RBFOX1: variants seen among roughly 807,000 people sequenced by gnomAD.
RBFOX1 encodes RNA binding protein fox-1 homolog 1.
A neutral mutation model predicts 57.7 loss-of-function variants in RBFOX1; 8 were observed. That is an observed-to-expected ratio of 0.14 (90% CI 0.08 to 0.25). The LOEUF (loss-of-function observed/expected upper bound fraction) is 0.25. Among genes scored for constraint, RBFOX1 ranks in the 10% least tolerant of loss-of-function variants. The pLI is 1.00. For synonymous variants in RBFOX1, 326 were observed against 222.4 expected, an observed-to-expected ratio of 1.47 and a Z score of -4.15; for missense variants, 611 against 548.5, an observed-to-expected ratio of 1.11 and a Z score of -1.14.
At chr16:5,644,002 G>A (rs960721407) in intron 3 of RBFOX1, among the ~76,000 whole-genome samples, 2 of 152,220 alleles carry the variant, frequency 1.3e-5, no homozygotes, top group African/African-American at 4.8e-5. Flanking sequence ...GATGTCAAAT[G>A]TGACCTTTAC....
chr16:6,608,894 A>G (rs1401712319), intron 2 of RBFOX1, among the ~76,000 whole-genome samples: 1 of 152,118 alleles, frequency 6.6e-6, no homozygotes, highest in Non-Finnish European at 1.5e-5. Context: ...CCTGTAGAGG[A>G]GATCTTTTTT....
intron 2 of RBFOX1, among the ~76,000 whole-genome samples, chr16:5,483,172 G>C (rs377722116): frequency 6.6e-6 from 1 of 152,162 alleles, no homozygotes; most frequent in African/African-American, 2.4e-5. Context: ...TCTCATCCTC[G>C]GAGTCCAGAG....
At chr16:7,418,688 C>G (rs1463988057) in intron 4 of RBFOX1, among the ~76,000 whole-genome samples, 1 of 151,982 alleles carries the variant, frequency 6.6e-6, no homozygotes, top group Non-Finnish European at 1.5e-5. Flanking sequence ...TTTTGCAAAC[C>G]TGGAAAAAAA....
chr16:5,794,513 T>TGC (rs1567550942), intron 3 of RBFOX1, among the ~76,000 whole-genome samples: 1 of 149,678 alleles, frequency 6.7e-6, no homozygotes, highest in African/African-American at 2.4e-5. Context: ...CCAGCGTGCG[T>TGC]GTGTGTGTGT....
rs550444898 is a variant in RBFOX1, at chr16:7,327,606, C to G, written c.28-190541C>G. 2.0e-5 allele frequency among the ~76,000 whole-genome samples: 3 copies of G among 152,282 alleles called. No individual in the cohort carries two copies. In the East Asian group the frequency reaches 5.8e-4, roughly 29 times the overall value. ...TTGATAGTCAACAAATGGCAACTGA[C>G]AGCTTCTTTTTAGATAGCTTTTTAG... On this transcript the variant is annotated intron_variant, in intron 4 of 15. Transcript: ENST00000550418.
chr16:6,497,666 C>G (rs2095809115), intron 2 of RBFOX1, among the ~76,000 whole-genome samples: 1 of 151,982 alleles, frequency 6.6e-6, no homozygotes, highest in African/African-American at 2.4e-5. Context: ...AAGTGATTGT[C>G]CTGCCTCAGC....
At chr16:7,696,171 A>G (rs990964968) in intron 14 of RBFOX1, among the ~76,000 whole-genome samples, 2 of 151,910 alleles carry the variant, frequency 1.3e-5, no homozygotes, top group African/African-American at 2.4e-5. Flanking sequence ...AAGGATATCT[A>G]TTTTCTTACC....
intron 2 of RBFOX1, among the ~76,000 whole-genome samples, chr16:5,469,947 G>A (rs928149484): frequency 6.6e-6 from 1 of 152,202 alleles, no homozygotes; most frequent in Non-Finnish European, 1.5e-5. Flanking sequence ...CAAAGAGTGT[G>A]CCACCATAAA....
intron 11 of RBFOX1, among the ~76,000 whole-genome samples, chr16:7,646,214 G>A (rs903215016): frequency 1.3e-5 from 2 of 152,190 alleles, no homozygotes; most frequent in Non-Finnish European, 2.9e-5. Flanking sequence ...TCTTCATTGT[G>A]ATGTTCATTG....
chr16:7,186,260 A>C (rs1215753765), intron 4 of RBFOX1, among the ~76,000 whole-genome samples: 1 of 75,380 alleles, frequency 1.3e-5, no homozygotes, highest in Non-Finnish European at 2.6e-5. Flanking sequence ...AAACATATTT[A>C]TATAAACATA....
At chr16:7,218,024 G>A (rs1200425816) in intron 4 of RBFOX1, among the ~76,000 whole-genome samples, 1 of 150,784 alleles carries the variant, frequency 6.6e-6, no homozygotes, top group African/African-American at 2.4e-5. Context: ...ACGTGTGTGG[G>A]GTGTGTGCGC....
chr16:5,439,014 T>C (rs1369307548), intron 1 of RBFOX1, among the ~76,000 whole-genome samples: 1 of 128,460 alleles, frequency 7.8e-6, no homozygotes, highest in African/African-American at 2.9e-5. Flanking sequence ...GGAAACAGAA[T>C]GATGTGGTAG....
At chr16:6,101,122 G>A (rs951279590) in intron 1 of RBFOX1, among the ~76,000 whole-genome samples, 4 of 152,108 alleles carry the variant, frequency 2.6e-5, no homozygotes, top group African/African-American at 7.2e-5. Flanking sequence ...CTGTAAAATG[G>A]GTATAATACT....
chr16:7,518,441 C>T (rs779874102), intron 5 of RBFOX1, 52 bp downstream of exon 5: 6 of 1,555,482 alleles, frequency 3.9e-6, no homozygotes, highest in Non-Finnish European at 5.2e-6. Context: ...GCGCCCCCAG[C>T]CCTGGTAATG....
chr16:6,474,847 A>G (rs775132133), intron 2 of RBFOX1, among the ~76,000 whole-genome samples: 3 of 152,176 alleles, frequency 2.0e-5, no homozygotes, highest in Non-Finnish European at 4.4e-5. Context: ...TTAGGTATCT[A>G]CCCTGAGATA....
At chr16:6,792,397 T>G (rs1378188580) in intron 3 of RBFOX1, among the ~76,000 whole-genome samples, 1 of 152,234 alleles carries the variant, frequency 6.6e-6, no homozygotes, top group African/African-American at 2.4e-5. Context: ...ATGCATTTTT[T>G]GATTTAGCAA....
chr16:6,082,347 ATTTTTTT>A (rs71142677), intron 1 of RBFOX1, among the ~76,000 whole-genome samples: 11 of 41,040 alleles, frequency 2.7e-4, no homozygotes, highest in South Asian at 1.5e-3. Flanking sequence ...CACCTGGCTA[ATTTTTTT>A]TTTTTTTTTT....
chr16:6,086,748 T>G (rs931805178), intron 1 of RBFOX1, among the ~76,000 whole-genome samples: 7 of 152,218 alleles, frequency 4.6e-5, no homozygotes, highest in Admixed American at 1.3e-4. Flanking sequence ...TTGCATCACC[T>G]TGTACAAAAG....
chr16:7,159,088 A>G (rs998485204), intron 4 of RBFOX1, among the ~76,000 whole-genome samples: 3 of 151,960 alleles, frequency 2.0e-5, no homozygotes, highest in African/African-American at 7.3e-5. Context: ...TATCATATCA[A>G]GAATATTATA....
Sources: gnomAD v4.1 joint callset for allele counts (sites outside exome capture counted in the v4.1 genomes callset) on GRCh38, gnomAD v4.1.1 for gene constraint, MANE v1.5 for transcripts, NCBI Gene and HGNC (gene_info 2026-07-23, HGNC 2026-07-21) for gene names.